Variants in AXIN1 observed in about 807,000 individuals in gnomAD.
AXIN1 encodes the protein axin-1.
In AXIN1, 30 loss-of-function variants were observed where a neutral mutation model predicts 76.4. The observed-to-expected ratio is 0.39, with a 90% CI of 0.29 to 0.53. The LOEUF is 0.53. Among genes scored for constraint, AXIN1 ranks in the 20% least tolerant of loss-of-function variants. The pLI, the probability that AXIN1 is intolerant of heterozygous loss-of-function variation, is 0.66. For missense variants in AXIN1, 1,140 were observed against 1,198.8 expected, an observed-to-expected ratio of 0.95 and a Z score of 0.72; for synonymous variants, 545 against 501.4, an observed-to-expected ratio of 1.09 and a Z score of -1.16.
At chr16:314,370 C>T (rs566545776) in intron 3 of AXIN1, among the ~76,000 whole-genome samples, 173 bp downstream of exon 3, 16 of 152,362 alleles carry the variant, frequency 1.1e-4, no homozygotes, top group African/African-American at 3.8e-4. Context: ...GCACGAAGCC[C>T]CCTCTGAGCT....
At chr16:311,429 C>T (rs893314356) in intron 3 of AXIN1, among the ~76,000 whole-genome samples, 9 of 152,164 alleles carry the variant, frequency 5.9e-5, no homozygotes, top group Admixed American at 5.2e-4. Context: ...AGATAACTCA[C>T]GCACAACCAT....
chr16:322,690 G>A (rs528379697), intron 2 of AXIN1, among the ~76,000 whole-genome samples: 1 of 152,348 alleles, frequency 6.6e-6, no homozygotes, highest in Admixed American at 6.5e-5. Flanking sequence ...TGAGGATGGT[G>A]GGTGAATCCT....
In AXIN1 at chr16:288,240, A is replaced by T. The variant is rs2141460359; in HGVS notation, c.2471T>A (p.Phe824Tyr). ...LTKKGSYRYYFKKVSDEFDCG... is the reference protein window; with the variant it reads ...LTKKGSYRYYYKKVSDEFDCG... ...GTCAAACTCGTCGCTCACTTTCTTG[A>T]AGTAGTATCTGCAGGACGGAGGTGA... The change falls in exon 11 of 11, where the codon TTC (phenylalanine) becomes TAC (tyrosine). Residue 824 changes from phenylalanine (F) to tyrosine (Y), a missense_variant. Coordinates refer to ENST00000262320, the MANE Select transcript of AXIN1 (RefSeq NM_003502.4). The T allele has an allele frequency of 1.9e-6, 3 of 1,613,554 alleles. No homozygotes were observed. Among genetic ancestry groups the T allele is most frequent in the African/African-American group, 1.3e-5 (1 of 75,024 alleles).
chr16:348,874 G>A (rs1462502455), intron 1 of AXIN1, among the ~76,000 whole-genome samples: 3 of 151,820 alleles, frequency 2.0e-5, no homozygotes, highest in African/African-American at 7.3e-5. Flanking sequence ...CAAGGCGGGC[G>A]GATCACGAGG....
At chr16:309,919 G>T in intron 4 of AXIN1, 54 bp downstream of exon 4, 1 of 1,562,660 alleles carries the variant, frequency 6.4e-7, no homozygotes, top group Non-Finnish European at 8.8e-7. Context: ...AGTTCACCAG[G>T]CCCACGCTGA....
At chr16:351,513 G>A (rs1160569397) in intron 1 of AXIN1, among the ~76,000 whole-genome samples, 1 of 152,102 alleles carries the variant, frequency 6.6e-6, no homozygotes. Flanking sequence ...AGGCGGCTGA[G>A]GCAGGAAAAC....
chr16:312,920 G>A (rs532573830), intron 3 of AXIN1, among the ~76,000 whole-genome samples: 1 of 152,368 alleles, frequency 6.6e-6, no homozygotes, highest in South Asian at 2.1e-4. Flanking sequence ...AGGCACAGTG[G>A]CTCATGCCCA....
chr16:340,555 G>A (rs2053896104), intron 2 of AXIN1, among the ~76,000 whole-genome samples: 1 of 152,236 alleles, frequency 6.6e-6, no homozygotes, highest in African/African-American at 2.4e-5. Flanking sequence ...CAGGCCCTGG[G>A]CCTCCCGCCC....
rs971288208 is a variant in AXIN1 at position 287,864 on chromosome 16, G to A, written c.*258C>T. The A allele has an allele frequency of 9.0e-5, 52 of 575,666 alleles. No homozygotes were observed. The highest frequency in any genetic ancestry group is 4.9e-4 in the African/African-American group (26 of 53,544). The allele number at this position is 575,666 out of a possible 1,614,324, so 35.7% of individuals were successfully genotyped here. A position where few individuals can be genotyped will look rare whatever the true frequency, so the allele number is the denominator to read the frequency against. ...ACCTGAAGCTGGCAGCAGGGACCTC[G>A]GCTGCCTCACTTGGGCTGGGCCCTC... is the stretch of plus-strand genomic sequence containing the variant. On this transcript the variant is annotated 3_prime_UTR_variant, in exon 11 of 11. Coordinates refer to ENST00000262320, the MANE Select transcript of AXIN1 (RefSeq NM_003502.4).
At chr16:332,300 G>A (rs953822603) in intron 2 of AXIN1, among the ~76,000 whole-genome samples, 2 of 152,182 alleles carry the variant, frequency 1.3e-5, no homozygotes, top group Non-Finnish European at 2.9e-5. Flanking sequence ...CAGCCAGGCT[G>A]GGCGCGGTGG....
intron 4 of AXIN1, among the ~76,000 whole-genome samples, chr16:306,323 T>C (rs2053024394): frequency 6.6e-6 from 1 of 152,218 alleles, no homozygotes; most frequent in Non-Finnish European, 1.5e-5. Context: ...GCAGATCTTA[T>C]TCCAATTTTG....
Position 288,145 on chromosome 16 carries a change from C to CGAT in AXIN1, c.2563_2565dup (p.Ile855dup). Reference sequence around the variant, plus strand: ...TATCAGTCCACCTTCTCCACTTTGCCGATGATCTTCTCCTCAAAGACGGGC... The same window carrying CGAT: ...TATCAGTCCACCTTCTCCACTTTGCCGATGATGATCTTCTCCTCAAAGACGGGC... On this transcript the variant is annotated inframe_insertion, in exon 11 of 11. Transcript: ENST00000262320. The CGAT allele has an allele frequency of 6.2e-7, 1 of 1,613,526 alleles. No individual in the cohort carries two copies. The highest frequency in any genetic ancestry group is 8.5e-7 in the Non-Finnish European group (1 of 1,180,010).
intron 2 of AXIN1, among the ~76,000 whole-genome samples, chr16:326,394 T>TATATATATATATATATAC (rs144093618): frequency 8.4e-6 from 1 of 119,676 alleles, no homozygotes; most frequent in African/African-American, 3.5e-5. Context: ...TATATATATA[T>TATATATATATATATATAC]ACACACCTAT....
intron 7 of AXIN1, among the ~76,000 whole-genome samples, chr16:295,108 CTTTTT>C (rs1004033017): frequency 2.6e-5 from 3 of 116,628 alleles, no homozygotes; most frequent in Non-Finnish European, 5.5e-5. Context: ...TTTTTTTTTT[CTTTTT>C]TTGAGACAGA....
intron 2 of AXIN1, among the ~76,000 whole-genome samples, chr16:322,143 C>T (rs1442417469): frequency 6.6e-6 from 1 of 152,214 alleles, no homozygotes; most frequent in African/African-American, 2.4e-5. Flanking sequence ...GCCAGGGAAA[C>T]CCAGGCAGCG....
intron 2 of AXIN1, among the ~76,000 whole-genome samples, chr16:325,108 G>A (rs978287972): frequency 6.6e-6 from 1 of 150,888 alleles, no homozygotes; most frequent in African/African-American, 2.5e-5. Context: ...TCAGCCCCGC[G>A]GGCGGCCCCG....
intron 8 of AXIN1, chr16:292,756 G>A (rs1435996658): frequency 6.6e-6 from 1 of 152,364 alleles, no homozygotes; most frequent in Non-Finnish European, 1.5e-5. Flanking sequence ...GGAGAAGCCA[G>A]GTTCTGGCCT....
intron 2 of AXIN1, among the ~76,000 whole-genome samples, chr16:318,247 T>G (rs1408311364): frequency 6.6e-6 from 1 of 152,226 alleles, no homozygotes; most frequent in African/African-American, 2.4e-5. Context: ...GCCTTTCACA[T>G]TTTTGGAAAA....
At chr16:320,926 G>T (rs567603354) in intron 2 of AXIN1, among the ~76,000 whole-genome samples, 1 of 151,844 alleles carries the variant, frequency 6.6e-6, no homozygotes. Context: ...TTTTAGTAGA[G>T]ACAAGGTTTC....
Sources: gnomAD v4.1 joint callset for allele counts (sites outside exome capture counted in the v4.1 genomes callset) on GRCh38, gnomAD v4.1.1 for gene constraint, MANE v1.5 for transcripts, NCBI Gene and HGNC (gene_info 2026-07-23, HGNC 2026-07-21) for gene names.